The following TMEM131 variants were observed in gnomAD, a reference collection of about 807,000 sequenced individuals.
The protein encoded by TMEM131 is transmembrane protein 131.
In TMEM131, 66 loss-of-function variants were observed where a neutral mutation model predicts 211.6. The observed-to-expected ratio is 0.31, with a 90% CI of 0.26 to 0.38. The LOEUF is 0.38. TMEM131 is among the 10% of genes least tolerant of loss of function. The probability of loss-of-function intolerance (pLI) is 1.00; values close to 1 mark genes in which losing one functional copy is unlikely to be tolerated. For missense variants in TMEM131, 2,036 were observed against 2,299.3 expected (o/e 0.89, Z 2.34); for synonymous variants, 844 against 841.3 (o/e 1.00, Z -0.06).
intron 19 of TMEM131, among the ~76,000 whole-genome samples, chr2:97,808,328 T>C (rs1190182387): frequency 1.3e-5 from 2 of 152,186 alleles, no homozygotes; most frequent in Non-Finnish European, 2.9e-5. Context: ...TGCAATGTCT[T>C]GTTTCTCTTA....
intron 5 of TMEM131, among the ~76,000 whole-genome samples, chr2:97,844,909 A>G (rs1387574099): frequency 1.3e-5 from 2 of 152,116 alleles, no homozygotes; most frequent in African/African-American, 4.8e-5. Flanking sequence ...TAATATGTAA[A>G]GCCATCAACC....
At chr2:97,850,997 G>C (rs1193979741) in intron 5 of TMEM131, among the ~76,000 whole-genome samples, 1 of 151,100 alleles carries the variant, frequency 6.6e-6, no homozygotes, top group Non-Finnish European at 1.5e-5. Flanking sequence ...GCCACTATCG[G>C]AACTGGACAT....
intron 31 of TMEM131, among the ~76,000 whole-genome samples, chr2:97,781,960 G>T (rs575163093): frequency 6.6e-6 from 1 of 152,194 alleles, no homozygotes; most frequent in Admixed American, 6.5e-5. Context: ...GCCAACAAAG[G>T]CCAAAGTGGG....
intron 11 of TMEM131, among the ~76,000 whole-genome samples, chr2:97,826,795 C>T (rs547949820): frequency 6.6e-6 from 1 of 152,272 alleles, no homozygotes; most frequent in East Asian, 1.9e-4. Flanking sequence ...AATTGAAGGT[C>T]TTCTCTGTAA....
In TMEM131 at chr2:97,796,424, G is replaced by A. The variant is rs777740763; in HGVS notation, c.3014-20C>T. ...TTAAACCTAAAGGATAAAAAATCAG[G>A]AATAAGACTAAATCTTGCCATCATG... On this transcript the variant is annotated intron_variant, in intron 27 of 40. Coordinates refer to ENST00000186436, the MANE Select transcript of TMEM131 (RefSeq NM_015348.2). 3.5e-6 allele frequency: 5 copies of A among 1,431,604 alleles called. No individual in the cohort carries two copies. The highest frequency in any genetic ancestry group is 4.7e-6 in the Non-Finnish European group (5 of 1,065,286). 88.7% of individuals were successfully genotyped at this position (1,431,604 alleles called of 1,614,324 possible). A position where few individuals can be genotyped will look rare whatever the true frequency, so the allele number is the denominator to read the frequency against.
intron 25 of TMEM131, among the ~76,000 whole-genome samples, chr2:97,800,524 T>C (rs1452318812): frequency 6.7e-6 from 1 of 150,318 alleles, no homozygotes; most frequent in East Asian, 1.9e-4. Flanking sequence ...CCAAGGTGGG[T>C]GGATCACCTG....
At chr2:97,960,762 G>C (rs1401990171) in intron 1 of TMEM131, among the ~76,000 whole-genome samples, 2 of 151,998 alleles carry the variant, frequency 1.3e-5, no homozygotes, top group East Asian at 1.9e-4. Context: ...CATTAATGCA[G>C]ACATAAAAAA....
At chr2:97,984,914 T>C (rs899800602) in intron 1 of TMEM131, among the ~76,000 whole-genome samples, 2 of 152,170 alleles carry the variant, frequency 1.3e-5, no homozygotes, top group Admixed American at 6.5e-5. Flanking sequence ...CCAATGGGTA[T>C]CCCTGGACGA....
intron 1 of TMEM131, among the ~76,000 whole-genome samples, chr2:97,956,836 C>T (rs1013730705): frequency 1.3e-5 from 2 of 151,960 alleles, no homozygotes; most frequent in Non-Finnish European, 2.9e-5. Context: ...CGGTGGCTCA[C>T]GGCTGTAATC....
intron 4 of TMEM131, among the ~76,000 whole-genome samples, chr2:97,886,138 CTT>C (rs1573510361): frequency 1.3e-5 from 2 of 152,074 alleles, no homozygotes; most frequent in South Asian, 2.1e-4. Context: ...TTACCTGTCT[CTT>C]TGTTGAATTT....
intron 33 of TMEM131, among the ~76,000 whole-genome samples, chr2:97,768,304 T>C (rs978938627): frequency 1.3e-5 from 2 of 152,144 alleles, no homozygotes; most frequent in Admixed American, 6.5e-5. Flanking sequence ...CAGGGTTATT[T>C]AAAAAACCCA....
chr2:97,921,981 C>A (rs1676760372), intron 2 of TMEM131, among the ~76,000 whole-genome samples: 1 of 152,190 alleles, frequency 6.6e-6, no homozygotes, highest in South Asian at 2.1e-4. Flanking sequence ...TATGCATTAT[C>A]TATTAAAATG....
rs562424647 is a variant in TMEM131, at chr2:97,905,757, T to C, written c.290+2901A>G. Among the ~76,000 whole-genome samples, 3 of 152,352 alleles carry C rather than the reference T, an allele frequency of 2.0e-5. No homozygotes were observed. In the South Asian group the frequency reaches 6.2e-4, roughly 32 times the overall value. Reference sequence around the variant, plus strand: ...TCCATTTTCCCTCATTATGTTCATGTCTTCCTTTAAATTGCTGAACACATA... The same window carrying C: ...TCCATTTTCCCTCATTATGTTCATGCCTTCCTTTAAATTGCTGAACACATA... On this transcript the variant is annotated intron_variant, in intron 3 of 40. Transcript: ENST00000186436.
chr2:97,761,074 C>T, intron 36 of TMEM131, 160 bp from the exon 37 acceptor site: 1 of 876,572 alleles, frequency 1.1e-6, no homozygotes, highest in South Asian at 1.7e-5. Context: ...GGGCCTCAGA[C>T]TGCTTAATCA....
Position 97,792,638 on chromosome 2 carries a change from G to A in TMEM131, c.3892C>T (p.Leu1298=), listed in dbSNP as rs1680555762. The A allele has an allele frequency of 6.2e-7, 1 of 1,613,564 alleles. No individual in the cohort carries two copies. Among genetic ancestry groups the A allele is most frequent in the South Asian group, 1.1e-5 (1 of 91,048 alleles). Residue 1298 remains leucine, a synonymous_variant, in exon 31 of 41, where the codon CTG becomes TTG. Coordinates refer to ENST00000186436, the MANE Select transcript of TMEM131 (RefSeq NM_015348.2). ...HGSQHHAHSP[L]EQHPQPPLPP... is the part of the protein sequence containing the mutation. ...AGAGGAGGCTGAGGGTGCTGCTCCA[G>A]CGGGCTGTGGGCATGGTGCTGGCTG... is the stretch of plus-strand genomic sequence containing the variant.
chr2:97,761,958 G>T, intron 36 of TMEM131, 77 bp downstream of exon 36: 1 of 1,433,314 alleles, frequency 7.0e-7, no homozygotes. Context: ...GCCGCTAAGT[G>T]TTTCCATTTA....
chr2:97,812,923 C>T (rs1226973014), intron 15 of TMEM131, among the ~76,000 whole-genome samples, 174 bp from the exon 16 acceptor site: 6 of 151,894 alleles, frequency 4.0e-5, no homozygotes, highest in Admixed American at 1.3e-4. Context: ...GCAGGAGAAT[C>T]GCTTGAACCC....
At chr2:97,914,243 A>T (rs553827939) in intron 2 of TMEM131, among the ~76,000 whole-genome samples, 1 of 152,292 alleles carries the variant, frequency 6.6e-6, no homozygotes, top group Non-Finnish European at 1.5e-5. Context: ...CTGTAGATTC[A>T]CATGCAGTTG....
intron 3 of TMEM131, among the ~76,000 whole-genome samples, chr2:97,892,910 T>A (rs547717024): frequency 2.6e-5 from 4 of 152,288 alleles, no homozygotes; most frequent in Non-Finnish European, 5.9e-5. Context: ...GACTTTTTTT[T>A]AATATACTTT....
Sources: allele counts gnomAD v4.1 joint callset (sites outside exome capture counted in the v4.1 genomes callset), GRCh38; gene constraint gnomAD v4.1.1; transcripts MANE v1.5; gene names NCBI Gene and HGNC (gene_info 2026-07-23, HGNC 2026-07-21).